Variants in MINDY4B observed in about 807,000 individuals in gnomAD.
The protein encoded by MINDY4B is MINDY family member 4B, also known as inactive ubiquitin carboxyl-terminal hydrolase MINDY-4B.
MINDY4B carries 25 observed loss-of-function variants against 16.7 expected under a neutral mutation model. That is an observed-to-expected ratio of 1.49 (90% CI 1.09 to 2.09). The LOEUF (loss-of-function observed/expected upper bound fraction) is 2.09. MINDY4B is among the 30% of genes most tolerant of loss of function. The pLI is 0.00. For missense variants in MINDY4B, 327 were observed against 168.4 expected (o/e 1.94, Z -5.21); for synonymous variants, 132 against 61.9 (o/e 2.13, Z -5.32).
rs1190604370 is a variant in MINDY4B at position 150,883,756 on chromosome 3, C to G, written c.841G>C (p.Asp281His). 1 of 702,634 alleles carries G rather than the reference C, an allele frequency of 1.4e-6. No homozygotes were observed. Among genetic ancestry groups the G allele is most frequent in the African/African-American group, 1.7e-5 (1 of 57,234 alleles). The allele number at this position is 702,634 out of a possible 1,614,324, so 43.5% of individuals were successfully genotyped here. Residue 281 changes from aspartate to histidine, a missense_variant, in exon 9 of 12, where the codon GAT (aspartate) becomes CAT (histidine). By Grantham distance (81) the Asp-to-His change is moderately conservative. Transcript: ENST00000465419. Reference protein sequence around the residue: ...RTFERLQMDLDVTTTQLLQPN... With the variant: ...RTFERLQMDLHVTTTQLLQPN... ...TGTAGCAGCTGAGTGGTGGTGACAT[C>G]TAGGTCCATTTGAAGCCTGCAGAGT...
At chr3:150,891,907 T>C (rs6781075) in intron 5 of MINDY4B, among the ~76,000 whole-genome samples, 73,113 of 151,952 alleles carry the variant, frequency 0.48, 17,798 homozygotes, top group Middle Eastern at 0.56. Flanking sequence ...CTTCGTGCAG[T>C]GTGTCTACAG....
intron 3 of MINDY4B, chr3:150,901,189 T>C (rs1031366776): frequency 6.6e-6 from 1 of 152,232 alleles, no homozygotes; most frequent in Admixed American, 6.5e-5. Flanking sequence ...ATTAAAGTTT[T>C]TCATTAAAAA....
rs760373666 is a variant in MINDY4B, at chr3:150,894,285, A to G, written c.330T>C (p.Phe110=). 1 of 697,884 alleles carries G rather than the reference A, an allele frequency of 1.4e-6. No individual in the cohort carries two copies. The highest frequency in any genetic ancestry group is 1.5e-5 in the South Asian group (1 of 66,176). The allele number at this position is 697,884 out of a possible 1,614,324, so 43.2% of individuals were successfully genotyped here. A position where few individuals can be genotyped will look rare whatever the true frequency, so the allele number is the denominator to read the frequency against. The change falls in exon 4 of 12, where the codon TTT becomes TTC. Residue 110 remains phenylalanine, a synonymous_variant. Coordinates refer to ENST00000465419, the MANE Select transcript of MINDY4B (RefSeq NM_001351281.2). ...AMATKLRQIL[F]GNTVHVFSYN... ...AGCTAAAGACATGGACTGTGTTTCC[A>G]AACAGGATCTGCCGCAGCTTCTGAA...
chr3:150,886,730 C>T (rs1342343253), intron 7 of MINDY4B, among the ~76,000 whole-genome samples: 1 of 152,144 alleles, frequency 6.6e-6, no homozygotes, highest in African/African-American at 2.4e-5. Flanking sequence ...ACATAACCCT[C>T]CTCCCTCTGC....
At chr3:150,897,775 T>C (rs1712016392) in intron 3 of MINDY4B, among the ~76,000 whole-genome samples, 1 of 152,242 alleles carries the variant, frequency 6.6e-6, no homozygotes. Context: ...ATGTGTTCTC[T>C]GTCTCAATGC....
chr3:150,904,107 A>G (rs1208257568), intron 2 of MINDY4B, among the ~76,000 whole-genome samples: 1 of 152,234 alleles, frequency 6.6e-6, no homozygotes, highest in Non-Finnish European at 1.5e-5. Context: ...ATTCTTTCTT[A>G]TCTCAGAAGC....
At chr3:150,873,159 C>T (rs1717008957) in intron 11 of MINDY4B, 28 bp downstream of exon 11, 1 of 690,520 alleles carries the variant, frequency 1.4e-6, no homozygotes, top group Non-Finnish European at 2.6e-6. Flanking sequence ...CATTAAAATC[C>T]ACAACACCTG....
At position 150,874,356 on chromosome 3, in the gene MINDY4B, G is replaced by T. The variant is rs117378557; in HGVS notation, c.1060-989C>A. 2.4e-4 allele frequency among the ~76,000 whole-genome samples: 37 copies of T among 152,294 alleles called. No individual in the cohort carries two copies. The East Asian group carries it at 6.6e-3, about 27-fold the overall frequency. On this transcript the variant is annotated intron_variant, in intron 10 of 11. Transcript: ENST00000465419. ...AGATTTGCAAAAACCAGCACTGGGGGTAAGAGCAGGGAAGGGGATGTAGTA... is the reference window on the plus strand; with the variant it reads ...AGATTTGCAAAAACCAGCACTGGGGTTAAGAGCAGGGAAGGGGATGTAGTA...
chr3:150,903,782 G>T (rs542846876), intron 2 of MINDY4B, among the ~76,000 whole-genome samples: 10 of 152,232 alleles, frequency 6.6e-5, no homozygotes, highest in African/African-American at 2.2e-4. Context: ...TTTACACAAA[G>T]TGTTTCTCAT....
intron 11 of MINDY4B, among the ~76,000 whole-genome samples, chr3:150,871,907 T>A (rs1216346897): frequency 6.6e-6 from 1 of 152,204 alleles, no homozygotes; most frequent in Non-Finnish European, 1.5e-5. Flanking sequence ...CATTTTTGGA[T>A]GGAGGGCAAG....
intron 3 of MINDY4B, among the ~76,000 whole-genome samples, chr3:150,898,639 C>T (rs1712036118): frequency 2.0e-5 from 3 of 152,210 alleles, no homozygotes; most frequent in African/African-American, 7.2e-5. Context: ...AAGTGGCTGC[C>T]ATGATTATTA....
At chr3:150,884,389 A>G (rs16862962) in intron 8 of MINDY4B, among the ~76,000 whole-genome samples, 12,126 of 152,244 alleles carry the variant, frequency 0.08, 762 homozygotes, top group African/African-American at 0.17. Context: ...CCTTCTGTGA[A>G]TGAGACTTAA....
At chr3:150,871,264 AGGGT>A (rs1716959310) in intron 11 of MINDY4B, 77 bp from the exon 12 acceptor site, 1 of 657,678 alleles carries the variant, frequency 1.5e-6, no homozygotes, top group Non-Finnish European at 2.7e-6. Context: ...GAAGGACAGA[AGGGT>A]GGGTGGGCAG....
chr3:150,890,619 G>A (rs1158142993), intron 6 of MINDY4B: 2 of 491,154 alleles, frequency 4.1e-6, no homozygotes, highest in Non-Finnish European at 7.2e-6. Context: ...ATCTTGAGCA[G>A]TAAAACTAGA....
chr3:150,896,907 G>A (rs1410779736), intron 3 of MINDY4B, among the ~76,000 whole-genome samples: 1 of 152,128 alleles, frequency 6.6e-6, no homozygotes, highest in Admixed American at 6.5e-5. Context: ...AAAATCATTT[G>A]CCACACATGA....
At chr3:150,890,901 G>A (rs960200024) in intron 6 of MINDY4B, 37 bp downstream of exon 6, 4 of 696,896 alleles carry the variant, frequency 5.7e-6, no homozygotes, top group Non-Finnish European at 1.1e-5. Flanking sequence ...GGCTTCACTG[G>A]CCTTTCATCT....
rs1716953888 is a variant in MINDY4B, at chr3:150,871,062, T to C, written c.1366A>G (p.Thr456Ala). ...GTTTCCCTTTAGAAGAAGGGAACGG[T>C]CCCATTCCAGTTGATGGTGGCCTCG... ...WSEATINWNG[T>A]VPFF The change falls in exon 12 of 12, where the codon ACC (threonine) becomes GCC (alanine). Residue 456 changes from threonine to alanine, a missense_variant. Thr to Ala is a moderately conservative substitution (Grantham distance 58, BLOSUM62 0). Coordinates refer to ENST00000465419, the MANE Select transcript of MINDY4B (RefSeq NM_001351281.2). The C allele has an allele frequency of 1.4e-6, 1 of 702,802 alleles. No individual in the cohort carries two copies. The highest frequency in any genetic ancestry group is 2.6e-6 in the Non-Finnish European group (1 of 384,868). 43.5% of individuals were successfully genotyped at this position (702,802 alleles called of 1,614,324 possible).
At chr3:150,899,854 C>G (rs1712072699) in intron 3 of MINDY4B, among the ~76,000 whole-genome samples, 1 of 152,204 alleles carries the variant, frequency 6.6e-6, no homozygotes, top group Non-Finnish European at 1.5e-5. Flanking sequence ...GGGGGGACAC[C>G]CGGCTGTGCT....
intron 3 of MINDY4B, among the ~76,000 whole-genome samples, chr3:150,898,422 G>A (rs972024020): frequency 3.3e-5 from 5 of 152,286 alleles, no homozygotes; most frequent in Non-Finnish European, 7.4e-5. Context: ...CTCTCCAGCT[G>A]TCCCTCTGAG....
Sources: allele counts gnomAD v4.1 joint callset (sites outside exome capture counted in the v4.1 genomes callset), GRCh38; gene constraint gnomAD v4.1.1; transcripts MANE v1.5; gene names NCBI Gene and HGNC (gene_info 2026-07-23, HGNC 2026-07-21).